The following SUGCT variants were observed in gnomAD, a reference collection of about 807,000 sequenced individuals.
SUGCT encodes succinyl-CoA:glutarate-CoA transferase, also known as succinyl-CoA:glutarate CoA-transferase.
A neutral mutation model predicts 55.0 loss-of-function variants in SUGCT; 41 were observed. The ratio of observed to expected loss-of-function variants is 0.74; its 90% CI spans 0.58 to 0.97. The LOEUF is 0.97. Ranked by LOEUF, SUGCT falls within the 50% of genes least tolerant of loss-of-function variation. The pLI, the probability that SUGCT is intolerant of heterozygous loss-of-function variation, is 0.00. For synonymous variants in SUGCT, 187 were observed against 200.4 expected, an observed-to-expected ratio of 0.93 and a Z score of 0.56; for missense variants, 568 against 547.8, an observed-to-expected ratio of 1.04 and a Z score of -0.37.
chr7:40,684,015 G>A, intron 12 of SUGCT: 1 of 1,610,262 alleles, frequency 6.2e-7, no homozygotes, highest in Admixed American at 1.7e-5. Context: ...CCTTGTGGTT[G>A]TATGACTGAG....
chr7:40,408,623 CT>C (rs1326566624), intron 9 of SUGCT, among the ~76,000 whole-genome samples: 1 of 151,990 alleles, frequency 6.6e-6, no homozygotes, highest in Admixed American at 6.6e-5. Context: ...AACTTTTTTT[CT>C]TTTCTAATTA....
intron 12 of SUGCT, among the ~76,000 whole-genome samples, chr7:40,593,662 G>GA (rs1797847753): frequency 6.6e-6 from 1 of 152,096 alleles, no homozygotes; most frequent in Non-Finnish European, 1.5e-5. Flanking sequence ...CCAACGTGGT[G>GA]AAACTCATCT....
At chr7:40,420,277 TAGTC>T (rs766117954) in intron 9 of SUGCT, among the ~76,000 whole-genome samples, 7 of 152,092 alleles carry the variant, frequency 4.6e-5, no homozygotes, top group Admixed American at 6.6e-5. Context: ...GTATGTGAAA[TAGTC>T]AGATCATGTT....
chr7:40,442,908 C>G (rs1257774799), intron 9 of SUGCT, among the ~76,000 whole-genome samples: 2 of 152,036 alleles, frequency 1.3e-5, no homozygotes, highest in East Asian at 3.9e-4. Context: ...GTGTGTGATG[C>G]TCTCCATCCA....
chr7:40,760,015 T>C (rs1205365039), intron 13 of SUGCT, among the ~76,000 whole-genome samples: 6 of 152,198 alleles, frequency 3.9e-5, no homozygotes, highest in Admixed American at 2.0e-4. Flanking sequence ...TTTCACACAT[T>C]AACAGAAATG....
chr7:40,716,279 C>T (rs1377756375), intron 12 of SUGCT, among the ~76,000 whole-genome samples: 1 of 152,168 alleles, frequency 6.6e-6, no homozygotes, highest in African/African-American at 2.4e-5. Context: ...TGGTCATCAG[C>T]AGTGAAGAAA....
At chr7:40,369,689 G>A (rs1784193128) in intron 9 of SUGCT, among the ~76,000 whole-genome samples, 1 of 152,178 alleles carries the variant, frequency 6.6e-6, no homozygotes, top group African/African-American at 2.4e-5. Flanking sequence ...TAGGATTAAT[G>A]TCAGAGATTC....
intron 9 of SUGCT, among the ~76,000 whole-genome samples, chr7:40,350,517 G>A (rs1010821510): frequency 6.7e-6 from 1 of 150,180 alleles, no homozygotes; most frequent in African/African-American, 2.5e-5. Context: ...TCTTAGTAGA[G>A]TCAGGGTTTC....
chr7:40,222,433 A>C (rs1788069974), intron 6 of SUGCT, among the ~76,000 whole-genome samples: 1 of 152,236 alleles, frequency 6.6e-6, no homozygotes, highest in Non-Finnish European at 1.5e-5. Flanking sequence ...TAGGTTTTGC[A>C]AAATGAGGTG....
chr7:40,973,735 T>C, the SUGCT span, among the ~76,000 whole-genome samples: 1 of 152,350 alleles, frequency 6.6e-6, no homozygotes, highest in South Asian at 2.1e-4. Context: ...TATTTATTCT[T>C]CAGTTAAATG....
chr7:40,497,038 G>A (rs1187467169), intron 12 of SUGCT, among the ~76,000 whole-genome samples: 1 of 152,060 alleles, frequency 6.6e-6, no homozygotes, highest in Non-Finnish European at 1.5e-5. Context: ...TAGATTATGT[G>A]AAAATAATGT....
intron 13 of SUGCT, among the ~76,000 whole-genome samples, chr7:40,753,681 A>G (rs1788125008): frequency 1.3e-5 from 2 of 152,202 alleles, no homozygotes; most frequent in Admixed American, 6.5e-5. Context: ...GCAGTAAATC[A>G]TGTGATATTT....
the SUGCT span, among the ~76,000 whole-genome samples, chr7:40,929,355 G>A: frequency 6.6e-6 from 1 of 152,120 alleles, no homozygotes; most frequent in African/African-American, 2.4e-5. Context: ...CCAAGTCTTT[G>A]CTGTTGTGAA....
At chr7:40,524,797 A>T (rs953319476) in intron 12 of SUGCT, among the ~76,000 whole-genome samples, 4 of 152,086 alleles carry the variant, frequency 2.6e-5, no homozygotes, top group African/African-American at 9.7e-5. Context: ...TGGTAGTTGG[A>T]GGGCTGTTTC....
At chr7:40,302,886 A>G (rs1462595296) in intron 8 of SUGCT, among the ~76,000 whole-genome samples, 1 of 151,988 alleles carries the variant, frequency 6.6e-6, no homozygotes, top group East Asian at 1.9e-4. Context: ...GTGTCTCATC[A>G]TTATTCAGGG....
intron 9 of SUGCT, among the ~76,000 whole-genome samples, chr7:40,381,219 C>T (rs933722442): frequency 2.0e-5 from 3 of 151,528 alleles, no homozygotes; most frequent in Non-Finnish European, 2.9e-5. Flanking sequence ...ATATGGCTGG[C>T]TATATAATAT....
chr7:40,985,928 C>T, the SUGCT span, among the ~76,000 whole-genome samples: 1 of 152,106 alleles, frequency 6.6e-6, no homozygotes, highest in Non-Finnish European at 1.5e-5. Flanking sequence ...AAAATGAAAG[C>T]CATGAGGCTT....
intron 9 of SUGCT, among the ~76,000 whole-genome samples, chr7:40,322,114 GT>G (rs913276288): frequency 1.3e-5 from 2 of 152,034 alleles, no homozygotes; most frequent in Non-Finnish European, 2.9e-5. Context: ...TAAGAGCAGT[GT>G]TTTTTTATAG....
chr7:40,575,119 C>CGGGGGGGGGGGGG (rs1210366162), intron 12 of SUGCT, among the ~76,000 whole-genome samples: 1 of 99,098 alleles, frequency 1.0e-5, no homozygotes, highest in African/African-American at 4.6e-5. Flanking sequence ...AGGAGGGTGG[C>CGGGGGGGGGGGGG]GGGGGTGGGG....
Sources: allele counts gnomAD v4.1 joint callset (sites outside exome capture counted in the v4.1 genomes callset), GRCh38; gene constraint gnomAD v4.1.1; transcripts MANE v1.5; gene names NCBI Gene and HGNC (gene_info 2026-07-23, HGNC 2026-07-21).